Variants in C1QTNF7 observed in about 807,000 individuals in gnomAD.
C1QTNF7 encodes complement C1q tumor necrosis factor-related protein 7.
C1QTNF7 carries 15 observed loss-of-function variants against 19.6 expected under a neutral mutation model. The observed-to-expected ratio is 0.76, with a 90% CI of 0.51 to 1.18. The LOEUF (loss-of-function observed/expected upper bound fraction) is 1.18. Among genes scored for constraint, C1QTNF7 ranks in the 50% most tolerant of loss-of-function variants. The pLI, the probability that C1QTNF7 is intolerant of heterozygous loss-of-function variation, is 0.00. For synonymous variants in C1QTNF7, 142 were observed against 137.5 expected (o/e 1.03, Z -0.23); for missense variants, 324 against 359.7 (o/e 0.90, Z 0.80).
intron 1 of C1QTNF7, among the ~76,000 whole-genome samples, chr4:15,347,432 C>G (rs1445988734): frequency 6.6e-6 from 1 of 152,186 alleles, no homozygotes; most frequent in South Asian, 2.1e-4. Flanking sequence ...GCCTTCCTGG[C>G]CTTCTCTCAG....
chr4:15,400,482 CACAAGAAATCTGAAACCGTCTGCA>C (rs905934757), intron 1 of C1QTNF7, among the ~76,000 whole-genome samples: 1 of 152,164 alleles, frequency 6.6e-6, no homozygotes, highest in African/African-American at 2.4e-5. Context: ...TTCTGGTGAA[CACAAGAAATCTGAAACCGTCTGCA>C]ACAAGAAACC....
At chr4:15,359,484 G>A (rs1043892921) in intron 1 of C1QTNF7, among the ~76,000 whole-genome samples, 2 of 152,048 alleles carry the variant, frequency 1.3e-5, no homozygotes, top group Non-Finnish European at 2.9e-5. Flanking sequence ...ACCTTATGTA[G>A]AACTCTCTAG....
intron 1 of C1QTNF7, among the ~76,000 whole-genome samples, chr4:15,353,712 C>T (rs1185407358): frequency 6.6e-6 from 1 of 151,596 alleles, no homozygotes; most frequent in Non-Finnish European, 1.5e-5. Flanking sequence ...CCAATTACCC[C>T]TCAAGGTTGG....
chr4:15,395,802 C>T (rs1718760108), intron 1 of C1QTNF7, among the ~76,000 whole-genome samples: 1 of 152,142 alleles, frequency 6.6e-6, no homozygotes, highest in Non-Finnish European at 1.5e-5. Context: ...ATTAGTATCA[C>T]CATTTTACGG....
intron 1 of C1QTNF7, chr4:15,374,861 C>T: frequency 1.7e-6 from 1 of 600,486 alleles, no homozygotes; most frequent in Non-Finnish European, 2.0e-6. Flanking sequence ...GTTTCTCTCT[C>T]TCTCTCTCTC....
chr4:15,434,193 C>G (rs1712437717), intron 1 of C1QTNF7, among the ~76,000 whole-genome samples: 1 of 151,774 alleles, frequency 6.6e-6, no homozygotes, highest in Non-Finnish European at 1.5e-5. Flanking sequence ...CTAGTAACAC[C>G]AAGATTTAGT....
At chr4:15,375,978 T>G (rs1717924632) in intron 1 of C1QTNF7, among the ~76,000 whole-genome samples, 1 of 152,230 alleles carries the variant, frequency 6.6e-6, no homozygotes, top group South Asian at 2.1e-4. Flanking sequence ...GTCGAAAGGC[T>G]CTAGGTTACT....
chr4:15,373,930 T>A (rs1717824945), intron 1 of C1QTNF7: 1 of 152,204 alleles, frequency 6.6e-6, no homozygotes, highest in African/African-American at 2.4e-5. Flanking sequence ...TAGGATACAA[T>A]TGCTTTCATC....
intron 1 of C1QTNF7, among the ~76,000 whole-genome samples, chr4:15,397,350 C>T (rs1296008156): frequency 1.3e-5 from 2 of 152,226 alleles, no homozygotes; most frequent in Non-Finnish European, 1.5e-5. Context: ...GGAGACTGTT[C>T]TCCCACAGTG....
chr4:15,361,137 G>A (rs921973933), intron 1 of C1QTNF7: 1 of 152,058 alleles, frequency 6.6e-6, no homozygotes, highest in African/African-American at 2.4e-5. Flanking sequence ...ACCCCTGCTT[G>A]GGACACCAGA....
At chr4:15,420,327 A>C (rs1577272166) in intron 1 of C1QTNF7, among the ~76,000 whole-genome samples, 2 of 152,248 alleles carry the variant, frequency 1.3e-5, no homozygotes, top group African/African-American at 4.8e-5. Flanking sequence ...GAAATTGCTT[A>C]GGAGTTCAGT....
chr4:15,409,075 A>T (rs1719308667), intron 1 of C1QTNF7, among the ~76,000 whole-genome samples: 1 of 152,212 alleles, frequency 6.6e-6, no homozygotes, highest in South Asian at 2.1e-4. Context: ...GGATTTTCAG[A>T]TCAATTTTCA....
At chr4:15,374,713 A>G in intron 1 of C1QTNF7, 1 of 985,416 alleles carries the variant, frequency 1.0e-6, no homozygotes, top group Non-Finnish European at 1.2e-6. Context: ...CAAAAGCTCC[A>G]CATCTGCGCA....
intron 2 of C1QTNF7, among the ~76,000 whole-genome samples, chr4:15,440,308 T>A (rs1712698006): frequency 7.1e-6 from 1 of 140,478 alleles, no homozygotes; most frequent in South Asian, 2.4e-4. Context: ...TTAAGATTCT[T>A]GACTCCAACC....
At chr4:15,367,541 T>C (rs1300250404) in intron 1 of C1QTNF7, among the ~76,000 whole-genome samples, 1 of 152,198 alleles carries the variant, frequency 6.6e-6, no homozygotes, top group East Asian at 1.9e-4. Flanking sequence ...AGGATGTATG[T>C]GTATCAATGT....
chr4:15,415,931 AATCTT>A (rs1243198014), intron 1 of C1QTNF7, among the ~76,000 whole-genome samples: 2 of 152,236 alleles, frequency 1.3e-5, no homozygotes, highest in African/African-American at 2.4e-5. Context: ...TGATTTAACT[AATCTT>A]TAATTATAGA....
rs1712770488 is a variant in C1QTNF7 at position 15,441,836 on chromosome 4, A to G, written c.239-332A>G. 1.3e-5 allele frequency among the ~76,000 whole-genome samples: 2 copies of G among 152,120 alleles called. 1 individual carries two copies. Among genetic ancestry groups the G allele is most frequent in the African/African-American group, 4.8e-5 (2 of 41,434 alleles). ...GGAGTTCAAGACCAGCCTGGCCAAC[A>G]TGGTGAAACCCAGTCTATACTAAAA... On this transcript the variant is annotated intron_variant, in intron 2 of 2. Coordinates refer to ENST00000444304, the MANE Select transcript of C1QTNF7 (RefSeq NM_031911.5).
intron 1 of C1QTNF7, among the ~76,000 whole-genome samples, chr4:15,364,994 T>A (rs564995871): frequency 6.6e-5 from 10 of 152,260 alleles, no homozygotes; most frequent in Non-Finnish European, 8.8e-5. Context: ...AGCTGATATA[T>A]CATCACCTGG....
intron 1 of C1QTNF7, among the ~76,000 whole-genome samples, chr4:15,431,274 A>G (rs1423803337): frequency 3.9e-5 from 6 of 152,202 alleles, no homozygotes; most frequent in Non-Finnish European, 1.5e-5. Context: ...CAGAAGCTAT[A>G]AATACTCATA....
Sources: allele counts gnomAD v4.1 joint callset (sites outside exome capture counted in the v4.1 genomes callset), GRCh38; gene constraint gnomAD v4.1.1; transcripts MANE v1.5; gene names NCBI Gene and HGNC (gene_info 2026-07-23, HGNC 2026-07-21).